RGS7: variants seen among roughly 807,000 people sequenced by gnomAD.
RGS7 encodes the protein regulator of G-protein signaling 7.
Under a neutral mutation model 81.1 loss-of-function variants are expected in RGS7, and 27 were observed. The ratio of observed to expected loss-of-function variants is 0.33; its 90% CI spans 0.25 to 0.46. The LOEUF is 0.46. Among genes scored for constraint, RGS7 ranks in the 20% least tolerant of loss-of-function variants. The pLI, the probability that RGS7 is intolerant of heterozygous loss-of-function variation, is 1.00. For missense variants in RGS7, 396 were observed against 607.4 expected (o/e 0.65, Z 3.66); for synonymous variants, 208 against 207.7 (o/e 1.00, Z -0.01).
At chr1:240,846,527 G>A (rs1659110785) in intron 9 of RGS7, among the ~76,000 whole-genome samples, 2 of 152,070 alleles carry the variant, frequency 1.3e-5, no homozygotes, top group South Asian at 4.1e-4. Flanking sequence ...ACTGGGAAGG[G>A]TTTCATTCAT....
chr1:241,013,624 T>C (rs938916641), intron 3 of RGS7, among the ~76,000 whole-genome samples: 5 of 152,192 alleles, frequency 3.3e-5, no homozygotes, highest in Non-Finnish European at 5.9e-5. Context: ...AAAGGGCCCC[T>C]CCTCCATTTC....
intron 2 of RGS7, among the ~76,000 whole-genome samples, chr1:241,108,886 G>C (rs2065316042): frequency 6.6e-6 from 1 of 152,056 alleles, no homozygotes; most frequent in Non-Finnish European, 1.5e-5. Flanking sequence ...AACCTTTCTG[G>C]AAGGTGTCTC....
At chr1:241,185,354 T>C (rs1413120153) in intron 2 of RGS7, among the ~76,000 whole-genome samples, 2 of 152,252 alleles carry the variant, frequency 1.3e-5, no homozygotes, top group East Asian at 3.9e-4. Flanking sequence ...CAAAAACTGA[T>C]AGAACTGAAA....
At chr1:241,024,042 C>T (rs1342166821) in intron 3 of RGS7, among the ~76,000 whole-genome samples, 1 of 152,218 alleles carries the variant, frequency 6.6e-6, no homozygotes, top group Non-Finnish European at 1.5e-5. Flanking sequence ...CATGAGCCAA[C>T]ACATCCGGCT....
chr1:240,911,603 C>T (rs1485697737), intron 6 of RGS7, among the ~76,000 whole-genome samples: 1 of 152,152 alleles, frequency 6.6e-6, no homozygotes, highest in Non-Finnish European at 1.5e-5. Context: ...ATACTGGGTG[C>T]CTATAGCTAA....
chr1:241,017,480 A>C (rs2059317549), intron 3 of RGS7, among the ~76,000 whole-genome samples: 1 of 151,520 alleles, frequency 6.6e-6, no homozygotes, highest in African/African-American at 2.4e-5. Context: ...AAAATATTTA[A>C]CTTTACCTTC....
intron 3 of RGS7, among the ~76,000 whole-genome samples, chr1:241,065,235 T>C (rs1368005973): frequency 2.1e-5 from 3 of 141,950 alleles, no homozygotes; most frequent in African/African-American, 8.5e-5. Flanking sequence ...TTTTAATATA[T>C]ATTAAAAGAT....
At chr1:241,315,095 TTTC>T (rs771459887) in intron 2 of RGS7, among the ~76,000 whole-genome samples, 51 of 139,396 alleles carry the variant, frequency 3.7e-4, no homozygotes, top group African/African-American at 1.2e-3. Flanking sequence ...GCTTTTTTTT[TTTC>T]TTCTTCTTCT....
chr1:241,073,582 A>G (rs2062610732), intron 3 of RGS7, among the ~76,000 whole-genome samples: 1 of 152,202 alleles, frequency 6.6e-6, no homozygotes, highest in South Asian at 2.1e-4. Context: ...CTTATTCTTT[A>G]TTGTCAGTAA....
intron 3 of RGS7, among the ~76,000 whole-genome samples, chr1:241,018,778 C>T (rs1005389100): frequency 1.3e-5 from 2 of 152,076 alleles, no homozygotes; most frequent in Non-Finnish European, 2.9e-5. Flanking sequence ...CCTCTACTTT[C>T]CCTACTTCCA....
chr1:240,842,994 C>T (rs553601421), intron 9 of RGS7, among the ~76,000 whole-genome samples: 1 of 151,980 alleles, frequency 6.6e-6, no homozygotes, highest in Admixed American at 6.6e-5. Context: ...GAAACCCCAT[C>T]TCTACTAAAA....
intron 2 of RGS7, among the ~76,000 whole-genome samples, chr1:241,278,734 A>G (rs141672309): frequency 4.3e-4 from 66 of 152,206 alleles, no homozygotes; most frequent in African/African-American, 9.6e-4. Context: ...TTGAAGATCT[A>G]CGTTCTGTTG....
chr1:241,075,422 G>A (rs989491204), intron 3 of RGS7, among the ~76,000 whole-genome samples: 1 of 152,112 alleles, frequency 6.6e-6, no homozygotes, highest in African/African-American at 2.4e-5. Context: ...AGGAGAAAAA[G>A]AGAGAGAAAG....
intron 2 of RGS7, among the ~76,000 whole-genome samples, chr1:241,196,021 A>G (rs898978951): frequency 3.9e-5 from 6 of 152,196 alleles, no homozygotes; most frequent in Non-Finnish European, 5.9e-5. Flanking sequence ...GAATACAAAG[A>G]AAACCACATA....
Position 240,823,448 on chromosome 1 carries a change from C to A in RGS7, c.684+3650G>T, listed in dbSNP as rs539048370. 1.4e-5 allele frequency: 4 copies of A among 281,142 alleles called. No homozygotes were observed. In the East Asian group the frequency reaches 4.0e-4, roughly 28 times the overall value. 17.4% of individuals were successfully genotyped at this position (281,142 alleles called of 1,614,324 possible). On this transcript the variant is annotated intron_variant, in intron 10 of 18. Coordinates refer to ENST00000440928, the MANE Select transcript of RGS7 (RefSeq NM_001364886.1). ...AGATGCCTCACGTTATAGTCCAGTC[C>A]GCTCAGGACACGGGCTGCGGCCGGG...
intron 9 of RGS7, among the ~76,000 whole-genome samples, chr1:240,835,291 A>T (rs1313508289): frequency 1.3e-5 from 2 of 152,232 alleles, no homozygotes; most frequent in African/African-American, 4.8e-5. Flanking sequence ...TGATCTGAAC[A>T]GGCACCTCAC....
At chr1:241,326,246 G>A (rs551766457) in intron 2 of RGS7, among the ~76,000 whole-genome samples, 27 of 152,268 alleles carry the variant, frequency 1.8e-4, no homozygotes, top group East Asian at 3.9e-4. Flanking sequence ...GGTTGCGTAC[G>A]TACACCAGCT....
intron 6 of RGS7, among the ~76,000 whole-genome samples, chr1:240,900,104 C>T (rs534075126): frequency 3.3e-5 from 5 of 152,240 alleles, no homozygotes; most frequent in East Asian, 1.9e-4. Context: ...GTATGTGTCA[C>T]GTAGTTCTCA....
At chr1:241,045,354 T>C (rs74508063) in intron 3 of RGS7, among the ~76,000 whole-genome samples, 7,078 of 152,196 alleles carry the variant, frequency 0.047, 176 homozygotes, top group African/African-American at 0.058. Context: ...GTCTTTGTAT[T>C]TACTTACTTA....
Sources: allele counts gnomAD v4.1 joint callset (sites outside exome capture counted in the v4.1 genomes callset), GRCh38; gene constraint gnomAD v4.1.1; transcripts MANE v1.5; gene names NCBI Gene and HGNC (gene_info 2026-07-23, HGNC 2026-07-21).